PLA2G4E: variants seen among roughly 807,000 people sequenced by gnomAD.
PLA2G4E encodes the protein cytosolic phospholipase A2 epsilon.
A neutral mutation model predicts 109.1 loss-of-function variants in PLA2G4E; 84 were observed. That is an observed-to-expected ratio of 0.77 (90% CI 0.65 to 0.92). The LOEUF (loss-of-function observed/expected upper bound fraction) is 0.92, where lower values mean the gene tolerates loss of function less well. PLA2G4E is among the 40% of genes least tolerant of loss of function. The probability of loss-of-function intolerance (pLI) is 0.00; values close to 1 mark genes in which losing one functional copy is unlikely to be tolerated. For missense variants in PLA2G4E, 1,057 were observed against 1,076.6 expected (o/e 0.98, Z 0.25); for synonymous variants, 469 against 436.1 (o/e 1.08, Z -0.94).
chr15:42,016,431 A>G (rs868590523), intron 1 of PLA2G4E, among the ~76,000 whole-genome samples: 48 of 152,042 alleles, frequency 3.2e-4, no homozygotes, highest in African/African-American at 1.2e-3. Flanking sequence ...TCTGCCTCCC[A>G]GGTTCAAGCA....
At chr15:42,023,614 A>C (rs2068667676) in intron 1 of PLA2G4E, among the ~76,000 whole-genome samples, 1 of 152,036 alleles carries the variant, frequency 6.6e-6, no homozygotes, top group Admixed American at 6.6e-5. Flanking sequence ...AACTCAACCC[A>C]CAGCACTATA....
intron 1 of PLA2G4E, among the ~76,000 whole-genome samples, chr15:42,042,877 A>T (rs1171816504): frequency 2.0e-4 from 30 of 152,182 alleles, no homozygotes; most frequent in Non-Finnish European, 1.5e-5. Flanking sequence ...GGGGCTTGAA[A>T]CTATAGAGCA....
intron 3 of PLA2G4E, 42 bp from the exon 4 acceptor site, chr15:42,006,163 C>T (rs748066202): frequency 2.5e-6 from 4 of 1,609,212 alleles, no homozygotes; most frequent in Non-Finnish European, 3.4e-6. Flanking sequence ...ACCACGGTTG[C>T]ATTGACCCCT....
At chr15:42,001,387 G>GGCAT in intron 6 of PLA2G4E, among the ~76,000 whole-genome samples, 167 bp from the exon 7 acceptor site, 1 of 152,264 alleles carries the variant, frequency 6.6e-6, no homozygotes, top group South Asian at 2.1e-4. Flanking sequence ...ACCCAATCAA[G>GGCAT]GCATGCCATC....
chr15:42,005,848 TG>T, intron 4 of PLA2G4E, 141 bp downstream of exon 4: 1 of 1,033,130 alleles, frequency 9.7e-7, no homozygotes. Flanking sequence ...GTGACAGTGC[TG>T]GGATTTAAAC....
At chr15:41,988,397 T>C (rs2068185522) in intron 15 of PLA2G4E, among the ~76,000 whole-genome samples, 1 of 152,074 alleles carries the variant, frequency 6.6e-6, no homozygotes, top group Admixed American at 6.5e-5. Flanking sequence ...TAAAGGTGTA[T>C]AAGGCACAGC....
intron 1 of PLA2G4E, among the ~76,000 whole-genome samples, chr15:42,036,034 C>T (rs749407365): frequency 7.3e-4 from 111 of 152,150 alleles, no homozygotes; most frequent in Admixed American, 1.8e-3. Context: ...TAAGATTCAC[C>T]TATATTGGTT....
exon 8 of PLA2G4E, chr15:42,000,278 C>T (rs1460775866): frequency 9.6e-6 from 15 of 1,565,784 alleles, no homozygotes; most frequent in African/African-American, 1.4e-5. Context: ...CCAGGAGGTC[C>T]TTCACTGGGA....
At chr15:42,033,374 C>T (rs1889149306) in intron 1 of PLA2G4E, among the ~76,000 whole-genome samples, 1 of 152,150 alleles carries the variant, frequency 6.6e-6, no homozygotes, top group South Asian at 2.1e-4. Context: ...TTCAGTGCCA[C>T]ACTGTTGGTT....
In PLA2G4E at chr15:42,000,209, G is replaced by T; in HGVS notation, c.747C>A (p.Cys249Ter). The T allele has an allele frequency of 6.3e-7, 1 of 1,590,940 alleles. No individual in the cohort carries two copies. The highest frequency in any genetic ancestry group is 8.6e-7 in the Non-Finnish European group (1 of 1,168,654). ...TTTGGAAGCAGGCAGAGGTTGGGCA[G>T]CAGGGTTCCAAGCAGGGCCGGACAC... Residue 249 changes from cysteine (C) to a stop codon, truncating the protein, a stop_gained, in exon 8 of 20, where the codon TGC becomes TGA. Coordinates refer to ENST00000399518, the Ensembl canonical transcript of PLA2G4E. LOFTEE classifies it high-confidence loss of function.
chr15:42,013,575 A>G (rs62004282), intron 2 of PLA2G4E, 110 bp downstream of exon 2: 665,774 of 996,702 alleles, frequency 0.67, 226,517 homozygotes, highest in East Asian at 0.93. Flanking sequence ...GCACGTGCAC[A>G]CGTGCGCGCG....
At chr15:42,018,630 G>A (rs553765546) in intron 1 of PLA2G4E, among the ~76,000 whole-genome samples, 13 of 152,250 alleles carry the variant, frequency 8.5e-5, no homozygotes, top group African/African-American at 3.1e-4. Context: ...AGTACAGCTG[G>A]GCCAGGGAGG....
chr15:42,028,971 G>A (rs1249510623), intron 1 of PLA2G4E, among the ~76,000 whole-genome samples: 4 of 152,052 alleles, frequency 2.6e-5, no homozygotes, highest in Non-Finnish European at 4.4e-5. Flanking sequence ...TTACAAGAAA[G>A]GACCTTCACT....
rs76181295 is a variant in PLA2G4E at position 42,035,021 on chromosome 15, C to A, written c.183+15500G>T. Reference sequence around the variant, plus strand: ...GTACTCTGGGCTCTGTGCAGGGGATCACAGGGGTGATGCCTTTCACTGTCC... The same window carrying A: ...GTACTCTGGGCTCTGTGCAGGGGATAACAGGGGTGATGCCTTTCACTGTCC... On this transcript the variant is annotated intron_variant, in intron 1 of 19. Transcript: ENST00000399518. 5.3e-3 allele frequency among the ~76,000 whole-genome samples: 807 copies of A among 152,328 alleles called. 8 individuals carry two copies. Among genetic ancestry groups the A allele is most frequent in the African/African-American group, 0.019 (771 of 41,570 alleles).
At chr15:41,996,350 G>GAAAAAAAAAAAAAAAAAAAAAAAAAA (rs34559872) in intron 11 of PLA2G4E, among the ~76,000 whole-genome samples, 1 of 75,108 alleles carries the variant, frequency 1.3e-5, no homozygotes, top group African/African-American at 5.6e-5. Flanking sequence ...CCTGTCTCAA[G>GAAAAAAAAAAAAAAAAAAAAAAAAAA]AAAAAAAAAA....
chr15:41,986,979 C>T, intron 17 of PLA2G4E, 193 bp downstream of exon 17: 1 of 617,848 alleles, frequency 1.6e-6, no homozygotes, highest in Non-Finnish European at 2.8e-6. Context: ...ACCCACACCA[C>T]TCCCTGCTGC....
intron 1 of PLA2G4E, among the ~76,000 whole-genome samples, chr15:42,027,879 A>ATAATGTATGGGGCCTGGGCCAC: frequency 2.6e-5 from 4 of 151,982 alleles, no homozygotes; most frequent in African/African-American, 9.7e-5. Flanking sequence ...GCCACCCTCC[A>ATAATGTATGGGGCCTGGGCCAC]CCTCTCATCT....
At chr15:42,024,894 C>T (rs377710039) in intron 1 of PLA2G4E, among the ~76,000 whole-genome samples, 18 of 152,074 alleles carry the variant, frequency 1.2e-4, no homozygotes, top group African/African-American at 3.6e-4. Context: ...TGAAATCAGT[C>T]GTGAAACTGT....
intron 4 of PLA2G4E, among the ~76,000 whole-genome samples, 184 bp from the exon 5 acceptor site, chr15:42,005,162 G>A (rs1458608747): frequency 2.0e-5 from 3 of 152,176 alleles, no homozygotes; most frequent in Non-Finnish European, 2.9e-5. Flanking sequence ...TTGACATCAG[G>A]AGCATCACTG....
Sources: allele counts gnomAD v4.1 joint callset (sites outside exome capture counted in the v4.1 genomes callset), GRCh38; gene constraint gnomAD v4.1.1; transcripts MANE v1.5; gene names NCBI Gene and HGNC (gene_info 2026-07-23, HGNC 2026-07-21).